Variants in PPM1E observed in about 807,000 individuals in gnomAD.
The protein encoded by PPM1E is protein phosphatase 1E.
PPM1E carries 20 observed loss-of-function variants against 65.9 expected under a neutral mutation model. That is an observed-to-expected ratio of 0.30 (90% confidence interval 0.21 to 0.44). PPM1E has a LOEUF of 0.44. PPM1E is among the 20% of genes least tolerant of loss of function. The pLI, the probability that PPM1E is intolerant of heterozygous loss-of-function variation, is 1.00. For missense variants in PPM1E, 713 were observed against 953.1 expected (o/e 0.75, Z 3.32); for synonymous variants, 352 against 374.9 (o/e 0.94, Z 0.70).
intron 1 of PPM1E, among the ~76,000 whole-genome samples, chr17:58,836,382 G>A (rs187878266): frequency 2.6e-5 from 4 of 151,946 alleles, no homozygotes; most frequent in African/African-American, 9.6e-5. Context: ...TGCACTTTGG[G>A]AGGCCAAGGT....
intron 3 of PPM1E, among the ~76,000 whole-genome samples, chr17:58,969,205 C>A (rs1252800400): frequency 2.0e-5 from 3 of 152,110 alleles, no homozygotes; most frequent in African/African-American, 4.8e-5. Flanking sequence ...CCCTATCCCC[C>A]CTCCCCCAAC....
intron 6 of PPM1E, among the ~76,000 whole-genome samples, chr17:58,978,145 C>T (rs1031898247): frequency 6.6e-6 from 1 of 152,038 alleles, no homozygotes; most frequent in Non-Finnish European, 1.5e-5. Flanking sequence ...TCAAAAAGTT[C>T]GGTTTTAGTG....
In PPM1E at chr17:58,756,586, G is replaced by A. The variant is rs936756715; in HGVS notation, c.464+125G>A. On this transcript the variant is annotated intron_variant, in intron 1 of 6. Transcript: ENST00000308249. ...CCTCTCCCCCGCACCCGCGCCTGCCGCCGCTGAAAGCGCCCCCGCTGCTCG... is the reference window on the plus strand; with the variant it reads ...CCTCTCCCCCGCACCCGCGCCTGCCACCGCTGAAAGCGCCCCCGCTGCTCG... The A allele has an allele frequency of 1.4e-5, 16 of 1,122,962 alleles. No individual in the cohort carries two copies. The African/African-American group carries it at 2.3e-4, about 16-fold the overall frequency. 69.6% of individuals were successfully genotyped at this position (1,122,962 alleles called of 1,614,324 possible). A position where few individuals can be genotyped will look rare whatever the true frequency, so the allele number is the denominator to read the frequency against.
chr17:58,838,193 G>T (rs2050682143), intron 1 of PPM1E, among the ~76,000 whole-genome samples: 1 of 152,120 alleles, frequency 6.6e-6, no homozygotes, highest in Non-Finnish European at 1.5e-5. Context: ...TGATAAAATT[G>T]ACTTTAAACT....
At chr17:58,916,572 G>C (rs1019516250) in intron 1 of PPM1E, among the ~76,000 whole-genome samples, 2 of 152,062 alleles carry the variant, frequency 1.3e-5, no homozygotes, top group Non-Finnish European at 1.5e-5. Context: ...GCTGCAGTGA[G>C]CCATGATCAC....
chr17:58,888,452 C>T (rs1173537916), intron 1 of PPM1E, among the ~76,000 whole-genome samples: 2 of 150,158 alleles, frequency 1.3e-5, no homozygotes, highest in African/African-American at 2.5e-5. Context: ...GCAACCTCCA[C>T]CTCCTGATTC....
intron 1 of PPM1E, among the ~76,000 whole-genome samples, chr17:58,806,536 C>CT (rs1295532577): frequency 6.6e-6 from 1 of 151,378 alleles, no homozygotes; most frequent in African/African-American, 2.4e-5. Flanking sequence ...CAATTTTTTC[C>CT]TTTTCTCCTG....
intron 1 of PPM1E, among the ~76,000 whole-genome samples, chr17:58,896,129 A>T (rs2051412699): frequency 6.6e-6 from 1 of 151,656 alleles, no homozygotes; most frequent in Non-Finnish European, 1.5e-5. Context: ...AAAAAAGAAA[A>T]AGAAAAAGAA....
rs1252136344 is a variant in PPM1E at position 58,980,590 on chromosome 17, G to GA, written c.1833dup (p.Ser612IlefsTer8). On this transcript the variant is annotated frameshift_variant, in exon 7 of 7. Transcript: ENST00000308249. LOFTEE classifies it high-confidence loss of function. The surrounding 1 kb of genome is among the most constrained non-coding windows in gnomAD (Gnocchi z 4.7). ...ATCTTATTAATGAGTTAATGATGGA[G>GA]AAAAAATCAGTTCAGTCATCATTGC... 6 of 1,614,184 alleles carry GA rather than the reference G, an allele frequency of 3.7e-6. No individual in the cohort carries two copies. The highest frequency in any genetic ancestry group is 5.1e-6 in the Non-Finnish European group (6 of 1,180,024).
Position 58,984,985 on chromosome 17 carries a change from TGG to T in PPM1E, c.*3955_*3956del, listed in dbSNP as rs1414430462. ...ACATTTCTCTGCAAAGAATTCTCTA[TGG>T]AGTGAAGCGAATGAAGTGAATAATT... On this transcript the variant is annotated 3_prime_UTR_variant, in exon 7 of 7. Transcript: ENST00000308249. The T allele has an allele frequency of 6.5e-6, 1 of 152,674 alleles. No individual in the cohort carries two copies. Among genetic ancestry groups the T allele is most frequent in the Non-Finnish European group, 1.5e-5 (1 of 68,044 alleles). 9.5% of individuals were successfully genotyped at this position (152,674 alleles called of 1,614,324 possible).
Position 58,981,626 on chromosome 17 carries a change from G to A in PPM1E, c.*595G>A, listed in dbSNP as rs1359382797. On this transcript the variant is annotated 3_prime_UTR_variant, in exon 7 of 7. Transcript: ENST00000308249. ...TGTCATATTCTCAGACTTGTGAGGC[G>A]GTTTATAGTCAGAAAGATTTACGGA... 2 of 152,530 alleles carry A rather than the reference G, an allele frequency of 1.3e-5. No homozygotes were observed. Among genetic ancestry groups the A allele is most frequent in the East Asian group, 3.9e-4 (2 of 5,194 alleles). The allele number at this position is 152,530 out of a possible 1,614,324, so 9.4% of individuals were successfully genotyped here. A position where few individuals can be genotyped will look rare whatever the true frequency, so the allele number is the denominator to read the frequency against.
intron 5 of PPM1E, 80 bp downstream of exon 5, chr17:58,972,355 CTTTT>C: frequency 2.6e-6 from 3 of 1,144,968 alleles, no homozygotes; most frequent in Non-Finnish European, 3.5e-6. Context: ...GATTCACTTA[CTTTT>C]TTTTTTTTTG....
Position 58,980,717 on chromosome 17 carries a change from T to C in PPM1E, c.1954T>C (p.Leu652=), listed in dbSNP as rs267604972. 4 of 1,614,190 alleles carry C rather than the reference T, an allele frequency of 2.5e-6. No individual in the cohort carries two copies. The highest frequency in any genetic ancestry group is 2.7e-5 in the African/African-American group (2 of 75,038). The change falls in exon 7 of 7, where the codon TTG becomes CTG. Residue 652 remains leucine, a synonymous_variant. Transcript: ENST00000308249. The surrounding 1 kb of genome is among the most constrained non-coding windows in gnomAD (Gnocchi z 4.7). ...MQSLSPVCSG[L]ENEQFKSPGN... Reference sequence around the variant, plus strand: ...GAGCTTGTCTCCTGTCTGTTCAGGGTTGGAAAATGAACAGTTCAAATCCCC... The same window carrying C: ...GAGCTTGTCTCCTGTCTGTTCAGGGCTGGAAAATGAACAGTTCAAATCCCC...
intron 1 of PPM1E, among the ~76,000 whole-genome samples, chr17:58,920,161 G>C (rs146847081): frequency 1.3e-5 from 2 of 152,264 alleles, no homozygotes; most frequent in African/African-American, 4.8e-5. Context: ...TTGGAAAGGA[G>C]TCATTTCTAA....
At chr17:58,889,976 C>T (rs542202501) in intron 1 of PPM1E, among the ~76,000 whole-genome samples, 47 of 152,172 alleles carry the variant, frequency 3.1e-4, no homozygotes, top group African/African-American at 9.9e-4. Context: ...AAATTGTAGT[C>T]GAAGAAGCAT....
At chr17:58,815,082 T>A (rs1039488213) in intron 1 of PPM1E, among the ~76,000 whole-genome samples, 1 of 152,210 alleles carries the variant, frequency 6.6e-6, no homozygotes, top group Non-Finnish European at 1.5e-5. Context: ...CCACTTAAAC[T>A]TTTGCCCTCT....
chr17:58,980,435 GGGT>G lies in PPM1E; in HGVS notation c.1673_1675del (p.Gly558_Ser559delinsAla). 6.2e-7 allele frequency: 1 copy of G among 1,614,084 alleles called. No homozygotes were observed. The highest frequency in any genetic ancestry group is 8.5e-7 in the Non-Finnish European group (1 of 1,180,026). On this transcript the variant is annotated inframe_deletion, in exon 7 of 7. Coordinates refer to ENST00000308249, the MANE Select transcript of PPM1E (RefSeq NM_014906.5). This position sits in a 1 kb window ranked among gnomAD's most constrained non-coding sequence, Gnocchi z 4.7. ...CACTGATAGAACTAGCCTGAGCCCA[GGGT>G]CCCAAATCAACGTGCTGGAAGACCC... is the stretch of plus-strand genomic sequence containing the variant.
intron 1 of PPM1E, among the ~76,000 whole-genome samples, chr17:58,794,211 C>T (rs1039884458): frequency 1.3e-4 from 20 of 152,104 alleles, no homozygotes; most frequent in African/African-American, 4.8e-4. Flanking sequence ...TCCCAAAGTG[C>T]TGGGATTACA....
At chr17:58,822,885 T>C (rs1285728708) in intron 1 of PPM1E, among the ~76,000 whole-genome samples, 4 of 152,212 alleles carry the variant, frequency 2.6e-5, no homozygotes, top group Non-Finnish European at 5.9e-5. Flanking sequence ...GATTCTGTTG[T>C]TCAGGGTCTG....
Sources: gnomAD v4.1 joint callset for allele counts (sites outside exome capture counted in the v4.1 genomes callset) on GRCh38, gnomAD v4.1.1 for gene constraint, Gnocchi (gnomAD v3.1) non-coding constraint, MANE v1.5 for transcripts, NCBI Gene and HGNC (gene_info 2026-07-23, HGNC 2026-07-21) for gene names.